The following CALCRL variants were observed in gnomAD, a reference collection of about 807,000 sequenced individuals.
CALCRL encodes calcitonin gene-related peptide type 1 receptor.
In CALCRL, 27 loss-of-function variants were observed where a neutral mutation model predicts 60.4. That is an observed-to-expected ratio of 0.45 (90% CI 0.33 to 0.62). CALCRL has a LOEUF of 0.62. Ranked by LOEUF, CALCRL falls within the 20% of genes least tolerant of loss-of-function variation. The pLI, the probability that CALCRL is intolerant of heterozygous loss-of-function variation, is 0.03. For synonymous variants in CALCRL, 190 were observed against 182.6 expected (o/e 1.04, Z -0.33); for missense variants, 424 against 540.7 (o/e 0.78, Z 2.14).
chr2:187,384,865 AG>A (rs1688143225), intron 4 of CALCRL, among the ~76,000 whole-genome samples: 1 of 152,120 alleles, frequency 6.6e-6, no homozygotes, highest in Non-Finnish European at 1.5e-5. Flanking sequence ...TTTGAGGTAG[AG>A]AAAAACATGG....
At chr2:187,357,032 AG>A (rs1686824079) in intron 12 of CALCRL, among the ~76,000 whole-genome samples, 1 of 152,098 alleles carries the variant, frequency 6.6e-6, no homozygotes, top group Admixed American at 6.5e-5. Flanking sequence ...TGGAGAAATA[AG>A]AACACTTTTA....
intron 8 of CALCRL, among the ~76,000 whole-genome samples, chr2:187,372,361 A>C (rs955684367): frequency 6.6e-6 from 1 of 151,682 alleles, no homozygotes; most frequent in African/African-American, 2.4e-5. Context: ...TTTTTCCAAG[A>C]ATCATTACGA....
chr2:187,397,645 T>C (rs896577083), intron 1 of CALCRL, among the ~76,000 whole-genome samples: 19 of 151,708 alleles, frequency 1.3e-4, no homozygotes, highest in Middle Eastern at 3.4e-3. Flanking sequence ...ATCACCTGAA[T>C]AGTATACATT....
intron 1 of CALCRL, among the ~76,000 whole-genome samples, chr2:187,402,542 G>A (rs1256279461): frequency 6.6e-6 from 1 of 151,538 alleles, no homozygotes; most frequent in African/African-American, 2.4e-5. Context: ...GATGAGAGAT[G>A]AGGCTTTCCA....
At position 187,381,999 on chromosome 2, in the gene CALCRL, C is replaced by A. The variant is rs868315387; in HGVS notation, c.184+1174G>T. Among the ~76,000 whole-genome samples the A allele has an allele frequency of 7.9e-5, 12 of 152,118 alleles. No individual in the cohort carries two copies. In the Middle Eastern group the frequency reaches 0.014, roughly 172 times the overall value. Reference sequence around the variant, plus strand: ...GACAATTATTTAAATAGTTTGAATCCATATATTTCTAGATAAAATACATTT... The same window carrying A: ...GACAATTATTTAAATAGTTTGAATCAATATATTTCTAGATAAAATACATTT... On this transcript the variant is annotated intron_variant, in intron 5 of 14. Transcript: ENST00000392370.
intron 8 of CALCRL, among the ~76,000 whole-genome samples, chr2:187,374,080 A>G (rs1687643124): frequency 6.6e-6 from 1 of 151,946 alleles, no homozygotes; most frequent in African/African-American, 2.4e-5. Flanking sequence ...GTGGGGGAGG[A>G]TTGCTTGAGC....
intron 1 of CALCRL, among the ~76,000 whole-genome samples, chr2:187,400,702 A>AG (rs1441928181): frequency 6.6e-6 from 1 of 151,552 alleles, no homozygotes; most frequent in African/African-American, 2.4e-5. Context: ...GGCAATAAAG[A>AG]GGAAGGAGTA....
At chr2:187,398,235 T>A (rs545167725) in intron 1 of CALCRL, among the ~76,000 whole-genome samples, 1 of 151,780 alleles carries the variant, frequency 6.6e-6, no homozygotes, top group African/African-American at 2.4e-5. Flanking sequence ...TTTCCAGCTC[T>A]TTGGAATGAG....
chr2:187,430,966 AT>A (rs1307565126), intron 1 of CALCRL, among the ~76,000 whole-genome samples: 1 of 152,072 alleles, frequency 6.6e-6, no homozygotes, highest in Non-Finnish European at 1.5e-5. Flanking sequence ...ATTTTACAAA[AT>A]AACTAATATT....
intron 1 of CALCRL, among the ~76,000 whole-genome samples, chr2:187,404,467 A>C (rs1689028768): frequency 6.6e-6 from 1 of 151,820 alleles, no homozygotes; most frequent in Admixed American, 6.6e-5. Flanking sequence ...TAATGATATG[A>C]AATGGTTCCC....
intron 1 of CALCRL, among the ~76,000 whole-genome samples, chr2:187,411,819 A>C (rs1160028296): frequency 6.6e-6 from 1 of 151,558 alleles, no homozygotes; most frequent in African/African-American, 2.4e-5. Context: ...ATATGGTGAA[A>C]CCCCATCTCC....
chr2:187,408,570 C>T (rs1316328235), intron 1 of CALCRL, among the ~76,000 whole-genome samples: 2 of 152,014 alleles, frequency 1.3e-5, no homozygotes, highest in Non-Finnish European at 2.9e-5. Context: ...TTTACTCTAA[C>T]CTTGTGCTAG....
chr2:187,373,080 T>C (rs1002210804), intron 8 of CALCRL, among the ~76,000 whole-genome samples: 2 of 152,128 alleles, frequency 1.3e-5, no homozygotes, highest in Admixed American at 6.6e-5. Flanking sequence ...AAATAAGGCA[T>C]GGGCAAGTCT....
chr2:187,397,021 ACTT>A (rs971430226), intron 1 of CALCRL, among the ~76,000 whole-genome samples: 3 of 151,700 alleles, frequency 2.0e-5, no homozygotes, highest in African/African-American at 7.2e-5. Flanking sequence ...AAATTAAACA[ACTT>A]CTTTAAGAAT....
At chr2:187,382,612 T>C (rs892131479) in intron 5 of CALCRL, among the ~76,000 whole-genome samples, 14 of 152,284 alleles carry the variant, frequency 9.2e-5, no homozygotes, top group African/African-American at 3.4e-4. Flanking sequence ...ACTCTGCTTG[T>C]GCTACTCATC....
At chr2:187,423,283 CT>C (rs1381401404) in intron 1 of CALCRL, among the ~76,000 whole-genome samples, 1 of 151,528 alleles carries the variant, frequency 6.6e-6, no homozygotes, top group African/African-American at 2.4e-5. Flanking sequence ...ATACTTCTTC[CT>C]CATTTTCATT....
At chr2:187,446,083 TA>T (rs541115093) in intron 1 of CALCRL, among the ~76,000 whole-genome samples, 46 of 151,768 alleles carry the variant, frequency 3.0e-4, no homozygotes, top group African/African-American at 1.0e-3. Context: ...ATATTTCAGG[TA>T]AAACATATTT....
intron 1 of CALCRL, among the ~76,000 whole-genome samples, chr2:187,434,648 CA>C (rs1380684250): frequency 6.6e-6 from 1 of 152,088 alleles, no homozygotes; most frequent in East Asian, 1.9e-4. Flanking sequence ...GATATGTTAA[CA>C]AAATGTTCAT....
At chr2:187,357,735 T>C (rs967074776) in intron 12 of CALCRL, among the ~76,000 whole-genome samples, 1 of 151,426 alleles carries the variant, frequency 6.6e-6, no homozygotes, top group Non-Finnish European at 1.5e-5. Flanking sequence ...GCATGGCACA[T>C]GTATACATAT....
Sources: allele counts gnomAD v4.1 joint callset (sites outside exome capture counted in the v4.1 genomes callset), GRCh38; gene constraint gnomAD v4.1.1; transcripts MANE v1.5; gene names NCBI Gene and HGNC (gene_info 2026-07-23, HGNC 2026-07-21).